The following GAB3 variants were observed in gnomAD, a reference collection of about 807,000 sequenced individuals.
GAB3 encodes GRB2 associated binding protein 3, also known as GRB2-associated-binding protein 3.
In GAB3, 12 loss-of-function variants were observed where a neutral mutation model predicts 40.4. The ratio of observed to expected loss-of-function variants is 0.30; its 90% CI spans 0.19 to 0.48. The LOEUF is 0.48. Among genes scored for constraint, GAB3 ranks in the 20% least tolerant of loss-of-function variants. The probability of loss-of-function intolerance (pLI) is 0.99; values close to 1 mark genes in which losing one functional copy is unlikely to be tolerated. For synonymous variants in GAB3, 154 were observed against 176.7 expected (o/e 0.87, Z 1.02); for missense variants, 381 against 461.9 (o/e 0.82, Z 1.61).
intron 8 of GAB3, among the ~76,000 whole-genome samples, chrX:154,686,760 T>A (rs1282955448): frequency 1.8e-5 from 2 of 110,128 alleles, no homozygotes; most frequent in African/African-American, 6.6e-5. Context: ...CACCAATGGG[T>A]CATTGGAAGC....
At chrX:154,727,653 T>C (rs2071232213) in intron 1 of GAB3, among the ~76,000 whole-genome samples, 1 of 112,347 alleles carries the variant, frequency 8.9e-6, no homozygotes, top group African/African-American at 3.2e-5. Flanking sequence ...CACCAGAATG[T>C]ACTCATCACA....
intron 4 of GAB3, among the ~76,000 whole-genome samples, chrX:154,710,491 TCACATACATGGG>T (rs1427889858): frequency 1.7e-4 from 19 of 111,680 alleles, no homozygotes; most frequent in African/African-American, 6.2e-4. Flanking sequence ...ACTCAGACCC[TCACATACATGGG>T]CACTTCATCT....
rs782409357 is a variant in GAB3 at position 154,696,994 on chromosome X, C to G, written c.1427+138G>C. The G allele has an allele frequency of 4.7e-5, 22 of 465,444 alleles. No homozygotes were observed. In the South Asian group the frequency reaches 7.4e-4, roughly 16 times the overall value. 38.4% of individuals were successfully genotyped at this position (465,444 alleles called of 1,213,427 possible). On this transcript the variant is annotated intron_variant, in intron 7 of 9. Transcript: ENST00000424127. ...CCTTCCTTTGTGATCCATAAAACAG[C>G]TCTTGCTCTCGATAATAAACCTCAC...
chrX:154,683,146 G>A (rs2070397850), intron 8 of GAB3, among the ~76,000 whole-genome samples: 2 of 111,821 alleles, frequency 1.8e-5, no homozygotes, highest in Admixed American at 9.5e-5. Context: ...AAAAGCTAAC[G>A]TGGAGCTTTG....
chrX:154,702,318 A>G (rs1557252486), intron 4 of GAB3, among the ~76,000 whole-genome samples: 1 of 112,391 alleles, frequency 8.9e-6, no homozygotes. Context: ...ACACAGAATA[A>G]TTAAACTAAG....
chrX:154,694,292 G>A (rs1448676555), intron 8 of GAB3, among the ~76,000 whole-genome samples: 1 of 111,716 alleles, frequency 9.0e-6, no homozygotes, highest in Non-Finnish European at 1.9e-5. Context: ...GTGTCATGTT[G>A]CCTACTAATA....
intron 1 of GAB3, among the ~76,000 whole-genome samples, chrX:154,731,398 C>T (rs1269233643): frequency 1.8e-5 from 2 of 111,753 alleles, no homozygotes; most frequent in East Asian, 5.6e-4. Context: ...GCTGAACTCA[C>T]CAGTTGTGTG....
intron 4 of GAB3, among the ~76,000 whole-genome samples, chrX:154,709,509 A>T (rs111531522): frequency 2.8e-5 from 3 of 109,010 alleles, no homozygotes; most frequent in Admixed American, 2.0e-4. Context: ...TAGTAGAGAC[A>T]GGGTTCCACC....
At chrX:154,746,784 G>T (rs1414292411) in intron 1 of GAB3, among the ~76,000 whole-genome samples, 3 of 112,272 alleles carry the variant, frequency 2.7e-5, no homozygotes, top group African/African-American at 9.7e-5. Context: ...TGAGGTCAGT[G>T]AAATCAATTG....
At chrX:154,735,085 C>A (rs1232906822) in intron 1 of GAB3, among the ~76,000 whole-genome samples, 1 of 111,732 alleles carries the variant, frequency 8.9e-6, no homozygotes, top group Non-Finnish European at 1.9e-5. Flanking sequence ...ACAGAAATGG[C>A]CCCAAACTAT....
At chrX:154,711,663 T>TA (rs1189026550) in intron 4 of GAB3, among the ~76,000 whole-genome samples, 2 of 112,098 alleles carry the variant, frequency 1.8e-5, no homozygotes, top group African/African-American at 3.2e-5. Context: ...ATGGGATTGC[T>TA]AAAAAATAGA....
At chrX:154,718,629 G>A (rs1241695942) in intron 1 of GAB3, among the ~76,000 whole-genome samples, 3 of 111,027 alleles carry the variant, frequency 2.7e-5, no homozygotes, top group Non-Finnish European at 5.7e-5. Flanking sequence ...GTTTGAAAGT[G>A]GGAAACCTGG....
intron 8 of GAB3, among the ~76,000 whole-genome samples, chrX:154,687,131 G>A (rs782394095): frequency 9.0e-6 from 1 of 110,543 alleles, no homozygotes; most frequent in African/African-American, 3.3e-5. Flanking sequence ...AGGGGAGGTT[G>A]CAGTGAGTCG....
intron 4 of GAB3, among the ~76,000 whole-genome samples, chrX:154,710,420 AGAGTGTG>A (rs782512683): frequency 4.7e-4 from 53 of 111,973 alleles, no homozygotes; most frequent in African/African-American, 1.7e-3. Flanking sequence ...AGTAATTAAG[AGAGTGTG>A]GCACTGGTGC....
intron 1 of GAB3, among the ~76,000 whole-genome samples, chrX:154,745,961 A>G (rs1416539638): frequency 9.3e-6 from 1 of 107,768 alleles, no homozygotes; most frequent in Non-Finnish European, 1.9e-5. Flanking sequence ...CTGAAGCTGG[A>G]GAATCTCTTG....
chrX:154,725,060 A>G lies in GAB3; in HGVS notation c.73-8731T>C, dbSNP rs782659439. 2.7e-5 allele frequency among the ~76,000 whole-genome samples: 3 copies of G among 111,953 alleles called. No homozygotes were observed. In the East Asian group the frequency reaches 8.4e-4, roughly 31 times the overall value. ...GAACACAGAGATGCATAGAAGGAAGACATCGTGAAAAGACACAGAGAGAAG... is the reference window on the plus strand; with the variant it reads ...GAACACAGAGATGCATAGAAGGAAGGCATCGTGAAAAGACACAGAGAGAAG... On this transcript the variant is annotated intron_variant, in intron 1 of 9. Transcript: ENST00000424127.
At position 154,749,363 on chromosome X, in the gene GAB3, T is replaced by G. The variant is rs782612026; in HGVS notation, c.72+1591A>C. On this transcript the variant is annotated intron_variant, in intron 1 of 9. Transcript: ENST00000424127. ...TTCTGTATCATCTACTGAAATTGTA[T>G]AGTGAACCTTTAAAATGTCTGTCAT... Among the ~76,000 whole-genome samples, 7 of 113,073 alleles carry G rather than the reference T, an allele frequency of 6.2e-5. No individual in the cohort carries two copies. In the East Asian group the frequency reaches 1.9e-3, roughly 31 times the overall value.
At chrX:154,725,440 A>G (rs2071199147) in intron 1 of GAB3, among the ~76,000 whole-genome samples, 1 of 111,220 alleles carries the variant, frequency 9.0e-6, no homozygotes, top group Non-Finnish European at 1.9e-5. Flanking sequence ...GTGCAGAGCT[A>G]TGGCCTCTAT....
intron 8 of GAB3, among the ~76,000 whole-genome samples, chrX:154,687,447 C>T (rs1418921043): frequency 6.4e-5 from 7 of 109,178 alleles, no homozygotes; most frequent in Admixed American, 1.9e-4. Flanking sequence ...CTGGCTAACA[C>T]GGTGAAACCC....
Sources: gnomAD v4.1 joint callset for allele counts (sites outside exome capture counted in the v4.1 genomes callset) on GRCh38, gnomAD v4.1.1 for gene constraint, MANE v1.5 for transcripts, NCBI Gene and HGNC (gene_info 2026-07-23, HGNC 2026-07-21) for gene names.